EPHX2: variants seen among roughly 807,000 people sequenced by gnomAD.
The protein encoded by EPHX2 is bifunctional epoxide hydrolase 2.
EPHX2 carries 74 observed loss-of-function variants against 78.7 expected under a neutral mutation model. That is an observed-to-expected ratio of 0.94 (90% CI 0.78 to 1.14). EPHX2 has a LOEUF of 1.14. Among genes scored for constraint, EPHX2 ranks in the 50% most tolerant of loss-of-function variants. The probability of loss-of-function intolerance (pLI) is 0.00; values close to 1 mark genes in which losing one functional copy is unlikely to be tolerated. For synonymous variants in EPHX2, 251 were observed against 255.2 expected (o/e 0.98, Z 0.16); for missense variants, 715 against 702.5 (o/e 1.02, Z -0.20).
intron 12 of EPHX2, among the ~76,000 whole-genome samples, chr8:27,526,933 T>C (rs1179657794): frequency 1.3e-5 from 2 of 151,948 alleles, no homozygotes; most frequent in African/African-American, 4.8e-5. Context: ...TGTGTGTGTA[T>C]TTTTTATTTT....
At chr8:27,543,600 C>G in intron 16 of EPHX2, 149 bp from the exon 17 acceptor site, 1 of 705,530 alleles carries the variant, frequency 1.4e-6, no homozygotes, top group East Asian at 2.7e-5. Flanking sequence ...TTTTAAAGAT[C>G]TCCAGTAATA....
chr8:27,506,796 C>T lies in EPHX2; in HGVS notation c.538-76C>T, dbSNP rs998146595. On this transcript the variant is annotated intron_variant, in intron 4 of 18. Coordinates refer to ENST00000521400, the MANE Select transcript of EPHX2 (RefSeq NM_001979.6). ...ATAAAAGAAAAAGAGTTTTTAATCT[C>T]CTCATCATAAAATAGCCCCTGTTTG... 8 of 1,553,590 alleles carry T rather than the reference C, an allele frequency of 5.1e-6. No individual in the cohort carries two copies. The African/African-American group carries it at 1.1e-4, about 22-fold the overall frequency.
At chr8:27,534,016 G>T (rs896336711) in intron 12 of EPHX2, among the ~76,000 whole-genome samples, 1 of 152,214 alleles carries the variant, frequency 6.6e-6, no homozygotes, top group Non-Finnish European at 1.5e-5. Context: ...ATGAACAGCA[G>T]CTGTTTCTGG....
chr8:27,530,828 A>T (rs12545341), intron 12 of EPHX2, among the ~76,000 whole-genome samples: 36,833 of 144,470 alleles, frequency 0.25, 5,854 homozygotes, highest in African/African-American at 0.48. Context: ...CAATGGCATG[A>T]TCTCAGCTCA....
chr8:27,518,229 C>A (rs1441832668), intron 9 of EPHX2, among the ~76,000 whole-genome samples, 157 bp downstream of exon 9: 1 of 152,088 alleles, frequency 6.6e-6, no homozygotes, highest in Non-Finnish European at 1.5e-5. Context: ...AAATGATAGC[C>A]CACATGTATG....
chr8:27,532,114 G>A (rs80263879), intron 12 of EPHX2, among the ~76,000 whole-genome samples: 2,950 of 152,162 alleles, frequency 0.019, 42 homozygotes, highest in East Asian at 0.044. Flanking sequence ...CCCACCCTGC[G>A]GTTGGCACAC....
At chr8:27,502,553 A>C (rs1470358501) in intron 2 of EPHX2, among the ~76,000 whole-genome samples, 1 of 152,174 alleles carries the variant, frequency 6.6e-6, no homozygotes, top group Non-Finnish European at 1.5e-5. Context: ...GGAGGCTGGG[A>C]AGTCCAAGAT....
In EPHX2 at chr8:27,504,977, C is replaced by T. The variant is rs1237984835; in HGVS notation, c.368C>T (p.Thr123Ile). The change falls in exon 4 of 19, where the codon ACC (threonine) becomes ATC (isoleucine). Residue 123 changes from threonine to isoleucine, a missense_variant. Coordinates refer to ENST00000521400, the MANE Select transcript of EPHX2 (RefSeq NM_001979.6). The part of the protein sequence containing the change: ...RKKGFTTAIL[T>I]NTWLDDRAER... ...TCAGGATTCACTACTGCCATCCTCACCAACACCTGGCTGGACGACCGTGCT... is the reference window on the plus strand; with the variant it reads ...TCAGGATTCACTACTGCCATCCTCATCAACACCTGGCTGGACGACCGTGCT... 2.5e-6 allele frequency: 4 copies of T among 1,614,116 alleles called. No homozygotes were observed. The highest frequency in any genetic ancestry group is 1.1e-5 in the South Asian group (1 of 91,074).
intron 16 of EPHX2, among the ~76,000 whole-genome samples, chr8:27,542,844 G>T (rs1450310651): frequency 6.6e-6 from 1 of 152,096 alleles, no homozygotes; most frequent in Non-Finnish European, 1.5e-5. Flanking sequence ...GCTTCACCAT[G>T]TTGCGCAGGG....
At chr8:27,548,591 A>G (rs1428745375), downstream of EPHX2, among the ~76,000 whole-genome samples, 1 of 152,220 alleles carries the variant, frequency 6.6e-6, no homozygotes, top group African/African-American at 2.4e-5. Context: ...TGCTCATTAG[A>G]CGTTTGCTGA....
rs1332038547 is a variant in EPHX2 at position 27,515,776 on chromosome 8, A to G, written c.794A>G (p.His265Arg). Reference protein sequence around the residue: ...LGSGPAVCLCHGFPESWYSWR... With the variant: ...LGSGPAVCLCRGFPESWYSWR... ...TCCGGCCCTGCTGTGTGCCTCTGCC[A>G]TGGATTTCCCGAGAGTTGGTATTCT... Residue 265 changes from histidine to arginine, a missense_variant, in exon 7 of 19, where the codon CAT becomes CGT. Physicochemically the swap from His to Arg is conservative, Grantham distance 29. Transcript: ENST00000521400. 2.5e-6 allele frequency: 4 copies of G among 1,614,106 alleles called. No homozygotes were observed. Among genetic ancestry groups the G allele is most frequent in the Non-Finnish European group, 3.4e-6 (4 of 1,180,040 alleles).
intron 3 of EPHX2, 141 bp downstream of exon 3, chr8:27,503,904 G>C: frequency 2.7e-6 from 3 of 1,101,152 alleles, no homozygotes; most frequent in Non-Finnish European, 1.2e-6. Context: ...TGGCCCCAAA[G>C]CAAGTTTTAT....
chr8:27,497,141 A>C lies in EPHX2; in HGVS notation c.102-3785A>C, dbSNP rs141456701. ...CTGCACCAGTGTCCAGGAGGAAGTCAATTTCCTGGCCCTCAATGGTTAAAC... is the reference window on the plus strand; with the variant it reads ...CTGCACCAGTGTCCAGGAGGAAGTCCATTTCCTGGCCCTCAATGGTTAAAC... On this transcript the variant is annotated intron_variant, in intron 1 of 18. Transcript: ENST00000521400. Among the ~76,000 whole-genome samples, 766 of 152,280 alleles carry C rather than the reference A, an allele frequency of 5.0e-3. 3 individuals are homozygous for C. The highest frequency in any genetic ancestry group is 7.7e-3 in the Non-Finnish European group (524 of 68,016).
At chr8:27,521,797 G>T (rs72475876) in intron 10 of EPHX2, among the ~76,000 whole-genome samples, 14 of 152,346 alleles carry the variant, frequency 9.2e-5, no homozygotes, top group African/African-American at 2.9e-4. Flanking sequence ...TGCTGCCAGT[G>T]GGGTCAGTGT....
At chr8:27,515,031 CCAAA>C (rs1293717529) in intron 6 of EPHX2, among the ~76,000 whole-genome samples, 1 of 152,162 alleles carries the variant, frequency 6.6e-6, no homozygotes, top group Non-Finnish European at 1.5e-5. Flanking sequence ...CAGAGAAACT[CCAAA>C]CAGCCTGTGC....
intron 12 of EPHX2, among the ~76,000 whole-genome samples, chr8:27,529,452 A>G (rs1814958489): frequency 6.6e-6 from 1 of 152,172 alleles, no homozygotes; most frequent in Admixed American, 6.5e-5. Flanking sequence ...CCCCCATACC[A>G]GAACGTACCT....
intron 6 of EPHX2, among the ~76,000 whole-genome samples, chr8:27,515,108 C>T (rs967598186): frequency 2.0e-5 from 3 of 152,162 alleles, no homozygotes; most frequent in Admixed American, 6.5e-5. Flanking sequence ...GCCCCTCCTC[C>T]TCCTGTGTGG....
intron 3 of EPHX2, 88 bp from the exon 4 acceptor site, chr8:27,504,868 G>T (rs1813936098): frequency 6.6e-6 from 9 of 1,369,438 alleles, no homozygotes; most frequent in Non-Finnish European, 9.2e-6. Context: ...AACCTGCTTG[G>T]CCCATCATTG....
At chr8:27,503,466 A>G in intron 2 of EPHX2, 138 bp from the exon 3 acceptor site, 1 of 1,021,586 alleles carries the variant, frequency 9.8e-7, no homozygotes, top group South Asian at 1.7e-5. Flanking sequence ...TGGAGAACAT[A>G]TGTTGGCATT....
Sources: allele counts gnomAD v4.1 joint callset (sites outside exome capture counted in the v4.1 genomes callset), GRCh38; gene constraint gnomAD v4.1.1; transcripts MANE v1.5; gene names NCBI Gene and HGNC (gene_info 2026-07-23, HGNC 2026-07-21).